Variants in PRKCE observed in about 807,000 individuals in gnomAD.
The protein encoded by PRKCE is protein kinase C epsilon type.
Under a neutral mutation model 85.4 loss-of-function variants are expected in PRKCE, and 16 were observed. That is an observed-to-expected ratio of 0.19 (90% CI 0.13 to 0.28). The LOEUF is 0.28. Ranked by LOEUF, PRKCE falls within the 10% of genes least tolerant of loss-of-function variation. The pLI, the probability that PRKCE is intolerant of heterozygous loss-of-function variation, is 1.00. For missense variants in PRKCE, 573 were observed against 975.2 expected, an observed-to-expected ratio of 0.59 and a Z score of 5.49; for synonymous variants, 388 against 371.5, an observed-to-expected ratio of 1.04 and a Z score of -0.51.
chr2:46,174,409 CA>C (rs1181718640), intron 14 of PRKCE, among the ~76,000 whole-genome samples: 1 of 152,220 alleles, frequency 6.6e-6, no homozygotes, highest in East Asian at 1.9e-4. Context: ...GAGACCCATT[CA>C]GCCAGGAGAT....
At chr2:45,819,960 C>G (rs1689390802) in intron 1 of PRKCE, among the ~76,000 whole-genome samples, 1 of 152,116 alleles carries the variant, frequency 6.6e-6, no homozygotes, top group Admixed American at 6.5e-5. Flanking sequence ...TCTGGGGTGG[C>G]TGTTTCTTTG....
At chr2:46,096,388 C>T (rs1426028902) in intron 11 of PRKCE, among the ~76,000 whole-genome samples, 1 of 152,184 alleles carries the variant, frequency 6.6e-6, no homozygotes, top group South Asian at 2.1e-4. Flanking sequence ...TGGACTGAAT[C>T]ATGCCCCCAA....
intron 2 of PRKCE, among the ~76,000 whole-genome samples, chr2:45,886,577 A>G (rs777917353): frequency 8.5e-5 from 13 of 152,240 alleles, no homozygotes; most frequent in Non-Finnish European, 1.9e-4. Flanking sequence ...TAGTCCAGCC[A>G]TCTTGGAGAA....
chr2:45,678,046 CA>C (rs1240385577), intron 1 of PRKCE: 3 of 269,120 alleles, frequency 1.1e-5, no homozygotes, highest in Admixed American at 6.5e-5. Context: ...TACACCGAGC[CA>C]GGGGGAAAAC....
chr2:45,663,215 T>C (rs2103768610), intron 1 of PRKCE, among the ~76,000 whole-genome samples: 1 of 152,384 alleles, frequency 6.6e-6, no homozygotes, highest in African/African-American at 2.4e-5. Context: ...AGAATGCTTT[T>C]ATTTGGGAAA....
chr2:45,923,322 A>G (rs941612196), intron 2 of PRKCE, among the ~76,000 whole-genome samples: 2 of 152,196 alleles, frequency 1.3e-5, no homozygotes, highest in African/African-American at 4.8e-5. Context: ...AGTGTGGAGT[A>G]TGTAACCAGG....
In PRKCE at chr2:45,797,369, G is replaced by A. The variant is rs567878303; in HGVS notation, c.349-45631G>A. Among the ~76,000 whole-genome samples, 5 of 152,290 alleles carry A rather than the reference G, an allele frequency of 3.3e-5. No individual in the cohort carries two copies. The East Asian group carries it at 9.6e-4, about 29-fold the overall frequency. On this transcript the variant is annotated intron_variant, in intron 1 of 14. Coordinates refer to ENST00000306156, the MANE Select transcript of PRKCE (RefSeq NM_005400.3). ...GGGTTTCTCAGCTCTCCACGACTGC[G>A]GTAACCACACACCCTGGTTTGCCCA... is the stretch of plus-strand genomic sequence containing the variant.
At position 45,873,462 on chromosome 2, in the gene PRKCE, A is replaced by C. The variant is rs989329196; in HGVS notation, c.412+30399A>C. Among the ~76,000 whole-genome samples the C allele has an allele frequency of 3.3e-5, 5 of 151,834 alleles. No individual in the cohort carries two copies. In the East Asian group the frequency reaches 5.8e-4, roughly 18 times the overall value. ...CACATAGATAGTAGACTGCAAAAAA[A>C]AAAAAAAAAAAAAACAAAAAAACCT... On this transcript the variant is annotated intron_variant, in intron 2 of 14. Coordinates refer to ENST00000306156, the MANE Select transcript of PRKCE (RefSeq NM_005400.3).
chr2:46,070,189 G>A (rs879765108), intron 10 of PRKCE, among the ~76,000 whole-genome samples: 7 of 152,236 alleles, frequency 4.6e-5, no homozygotes, highest in Non-Finnish European at 1.0e-4. Context: ...TGGTCACAGG[G>A]AGAACTGTTG....
chr2:45,781,157 A>AC (rs113092589), intron 1 of PRKCE, among the ~76,000 whole-genome samples: 11,375 of 149,398 alleles, frequency 0.076, 1,054 homozygotes, highest in African/African-American at 0.22. Context: ...ACATACGGAG[A>AC]CCCCCCCATC....
At chr2:45,927,654 C>T (rs943350963) in intron 2 of PRKCE, among the ~76,000 whole-genome samples, 18 of 152,228 alleles carry the variant, frequency 1.2e-4, no homozygotes, top group African/African-American at 4.3e-4. Context: ...GGGAGGATTT[C>T]ATCTCCAGAA....
chr2:45,844,601 G>C (rs1310123105), intron 2 of PRKCE, among the ~76,000 whole-genome samples: 1 of 152,256 alleles, frequency 6.6e-6, no homozygotes, highest in Non-Finnish European at 1.5e-5. Flanking sequence ...AGGTTTTGCA[G>C]TGTGGCCTCC....
At chr2:45,690,363 T>C (rs1485814167) in intron 1 of PRKCE, among the ~76,000 whole-genome samples, 3 of 152,234 alleles carry the variant, frequency 2.0e-5, no homozygotes, top group Non-Finnish European at 2.9e-5. Flanking sequence ...GGCCCATTTG[T>C]TCTTGGTCCC....
rs146009923 is a variant in PRKCE at position 45,825,006 on chromosome 2, C to T, written c.349-17994C>T. ...GAAAAGGTTCTGCTGAACGTGGGTTCGCCTGGTGGGGTACATGGATTGAGA... is the reference window on the plus strand; with the variant it reads ...GAAAAGGTTCTGCTGAACGTGGGTTTGCCTGGTGGGGTACATGGATTGAGA... On this transcript the variant is annotated intron_variant, in intron 1 of 14. Coordinates refer to ENST00000306156, the MANE Select transcript of PRKCE (RefSeq NM_005400.3). Among the ~76,000 whole-genome samples, 1,116 of 152,208 alleles carry T rather than the reference C, an allele frequency of 7.3e-3. 17 individuals are homozygous for T. The highest frequency in any genetic ancestry group is 0.025 in the African/African-American group (1,052 of 41,532).
At chr2:45,696,991 C>T (rs1246177898) in intron 1 of PRKCE, among the ~76,000 whole-genome samples, 1 of 152,196 alleles carries the variant, frequency 6.6e-6, no homozygotes, top group African/African-American at 2.4e-5. Context: ...GTCTTCTTTC[C>T]CCCTTGGCTT....
At chr2:45,682,381 G>T (rs1364398862) in intron 1 of PRKCE, among the ~76,000 whole-genome samples, 1 of 151,992 alleles carries the variant, frequency 6.6e-6, no homozygotes, top group Non-Finnish European at 1.5e-5. Context: ...GGTGGTAAGG[G>T]GGTAGTTTGG....
chr2:45,773,953 A>G (rs558943681), intron 1 of PRKCE, among the ~76,000 whole-genome samples: 1 of 152,214 alleles, frequency 6.6e-6, no homozygotes, highest in African/African-American at 2.4e-5. Context: ...CTGCTGAGCG[A>G]TGCTCTTGCT....
chr2:46,006,848 A>G (rs1459393510), intron 8 of PRKCE, among the ~76,000 whole-genome samples: 1 of 152,198 alleles, frequency 6.6e-6, no homozygotes, highest in African/African-American at 2.4e-5. Flanking sequence ...CACTTGGGAA[A>G]GCAATTCTTT....
At chr2:46,049,171 G>A (rs545526936) in intron 10 of PRKCE, among the ~76,000 whole-genome samples, 15 of 152,108 alleles carry the variant, frequency 9.9e-5, no homozygotes, top group Non-Finnish European at 2.2e-4. Flanking sequence ...GATTGTCCGG[G>A]CCCATTTTTC....
Sources: allele counts gnomAD v4.1 joint callset (sites outside exome capture counted in the v4.1 genomes callset), GRCh38; gene constraint gnomAD v4.1.1; transcripts MANE v1.5; gene names NCBI Gene and HGNC (gene_info 2026-07-23, HGNC 2026-07-21).